Variants in RAB3GAP1 observed in about 807,000 individuals in gnomAD.
RAB3GAP1 encodes RAB3 GTPase activating protein catalytic subunit 1.
RAB3GAP1 carries 86 observed loss-of-function variants against 130.7 expected under a neutral mutation model. The observed-to-expected ratio is 0.66, with a 90% CI of 0.55 to 0.79. The LOEUF (loss-of-function observed/expected upper bound fraction) is 0.79, where lower values mean the gene tolerates loss of function less well. Ranked by LOEUF, RAB3GAP1 falls within the 30% of genes least tolerant of loss-of-function variation. The pLI, the probability that RAB3GAP1 is intolerant of heterozygous loss-of-function variation, is 0.00. For synonymous variants in RAB3GAP1, 367 were observed against 401.7 expected (o/e 0.91, Z 1.03); for missense variants, 1,029 against 1,169.4 (o/e 0.88, Z 1.75).
At chr2:135,157,841 A>G (rs1306730222) in intron 19 of RAB3GAP1, among the ~76,000 whole-genome samples, 1 of 151,784 alleles carries the variant, frequency 6.6e-6, no homozygotes, top group African/African-American at 2.4e-5. Context: ...CAAAAAAAAA[A>G]AAAAAAAACA....
In RAB3GAP1 at chr2:135,099,600, T is replaced by C. The variant is rs1421316390; in HGVS notation, c.362+5907T>C. On this transcript the variant is annotated intron_variant, in intron 5 of 23. Coordinates refer to ENST00000264158, the MANE Select transcript of RAB3GAP1 (RefSeq NM_012233.3). ...TGGTATCAGAGTAATGTTGGCCTTATAATGTGAGTCAGAAAGTATTTTGTT... is the reference window on the plus strand; with the variant it reads ...TGGTATCAGAGTAATGTTGGCCTTACAATGTGAGTCAGAAAGTATTTTGTT... Among the ~76,000 whole-genome samples, 3 of 152,166 alleles carry C rather than the reference T, an allele frequency of 2.0e-5. No individual in the cohort carries two copies. In the East Asian group the frequency reaches 5.8e-4, roughly 29 times the overall value.
intron 3 of RAB3GAP1, among the ~76,000 whole-genome samples, chr2:135,081,306 CAAAAAAA>C (rs1169138978): frequency 2.0e-3 from 27 of 13,210 alleles, no homozygotes; most frequent in African/African-American, 5.4e-3. Context: ...GACTCCGTCT[CAAAAAAA>C]AAAAAAAAAA....
intron 19 of RAB3GAP1, among the ~76,000 whole-genome samples, chr2:135,158,199 C>T: frequency 6.6e-6 from 1 of 152,134 alleles, no homozygotes; most frequent in East Asian, 1.9e-4. Context: ...AGTCTAGAAG[C>T]ACTGACACCC....
chr2:135,149,248 C>T (rs1692095167), intron 17 of RAB3GAP1, among the ~76,000 whole-genome samples: 1 of 152,198 alleles, frequency 6.6e-6, no homozygotes, highest in African/African-American at 2.4e-5. Context: ...TATACTCCTT[C>T]ATGAGAGATT....
intron 11 of RAB3GAP1, among the ~76,000 whole-genome samples, chr2:135,128,576 A>G (rs1691421437): frequency 6.6e-6 from 1 of 152,134 alleles, no homozygotes; most frequent in Non-Finnish European, 1.5e-5. Flanking sequence ...CTGTATGGTA[A>G]TTGCTGAGGA....
In RAB3GAP1 at chr2:135,060,471, A is replaced by G. The variant is rs574622156; in HGVS notation, c.150+2385A>G. Among the ~76,000 whole-genome samples, 7 of 151,982 alleles carry G rather than the reference A, an allele frequency of 4.6e-5. No individual in the cohort carries two copies. In the East Asian group the frequency reaches 1.4e-3, roughly 30 times the overall value. On this transcript the variant is annotated intron_variant, in intron 3 of 23. Transcript: ENST00000264158. ...GAGACGGGGTTTCACTGTGTTAGCC[A>G]GGATGGTCTCGATCTCCTGACCTTG...
chr2:135,143,730 T>A (rs900776703), intron 17 of RAB3GAP1, among the ~76,000 whole-genome samples: 35 of 152,102 alleles, frequency 2.3e-4, no homozygotes, highest in African/African-American at 8.4e-4. Flanking sequence ...GCTAATTTTT[T>A]GTATTTTTAG....
chr2:135,123,656 C>T lies in RAB3GAP1; in HGVS notation c.749-509C>T, dbSNP rs957123848. ...TTCTCTTCCAGTCTAGTATGCCATT[C>T]GTAATGGAAAGGAGGTTCTTTTCTG... On this transcript the variant is annotated intron_variant, in intron 8 of 23. Transcript: ENST00000264158. Among the ~76,000 whole-genome samples the T allele has an allele frequency of 3.3e-5, 5 of 152,006 alleles. No individual in the cohort carries two copies. In the South Asian group the frequency reaches 6.2e-4, roughly 19 times the overall value.
rs75467128 is a variant in RAB3GAP1 at position 135,052,621 on chromosome 2, C to T, written c.74+136C>T. The T allele has an allele frequency of 7.7e-4, 797 of 1,037,636 alleles. 6 individuals carry two copies. In the African/African-American group the frequency reaches 0.011, roughly 15 times the overall value. 64.3% of individuals were successfully genotyped at this position (1,037,636 alleles called of 1,614,324 possible). On this transcript the variant is annotated intron_variant, in intron 2 of 23. Transcript: ENST00000264158. ...TACCGTGGGTCCCGGGTCTCCTCCCCCAGTCTTCTTTGGTCAACCGCAAGC... is the reference window on the plus strand; with the variant it reads ...TACCGTGGGTCCCGGGTCTCCTCCCTCAGTCTTCTTTGGTCAACCGCAAGC...
Position 135,135,785 on chromosome 2 carries a change from T to C in RAB3GAP1, c.1776T>C (p.Thr592=). The C allele has an allele frequency of 1.2e-6, 2 of 1,614,078 alleles. No individual in the cohort carries two copies. Among genetic ancestry groups the C allele is most frequent in the Non-Finnish European group, 1.7e-6 (2 of 1,180,008 alleles). Residue 592 remains threonine, a synonymous_variant, in exon 17 of 24, where the codon ACT becomes ACC. Transcript: ENST00000264158. ...AATTTTTTGAATGCCTAAGTGATACTGAAGAACTTAAAGGAAATGGACAAG... is the reference window on the plus strand; with the variant it reads ...AATTTTTTGAATGCCTAAGTGATACCGAAGAACTTAAAGGAAATGGACAAG... ...EEEFFECLSD[T]EELKGNGQES...
intron 3 of RAB3GAP1, among the ~76,000 whole-genome samples, chr2:135,072,857 G>A (rs1689517652): frequency 6.6e-6 from 1 of 152,184 alleles, no homozygotes; most frequent in African/African-American, 2.4e-5. Flanking sequence ...TGCTGTGTGA[G>A]CCTGTGAAGG....
At chr2:135,061,734 G>T (rs1363068594) in intron 3 of RAB3GAP1, among the ~76,000 whole-genome samples, 3 of 151,904 alleles carry the variant, frequency 2.0e-5, no homozygotes, top group African/African-American at 7.2e-5. Context: ...TTGCTAGGTT[G>T]TGAAGATGTT....
chr2:135,175,261 C>T (rs1214913681), downstream of RAB3GAP1: 1 of 152,268 alleles, frequency 6.6e-6, no homozygotes. Flanking sequence ...GTCCAAAACG[C>T]TCAGGGGTTT....
intron 3 of RAB3GAP1, among the ~76,000 whole-genome samples, chr2:135,078,752 T>A (rs1689703253): frequency 6.9e-6 from 1 of 144,724 alleles, no homozygotes; most frequent in South Asian, 2.4e-4. Flanking sequence ...TTGCCCAGGT[T>A]GGAGTGCAAC....
chr2:135,175,032 A>G (rs115219976), downstream of RAB3GAP1, among the ~76,000 whole-genome samples: 458 of 151,866 alleles, frequency 3.0e-3, 2 homozygotes, highest in African/African-American at 0.01. Context: ...GATTTTCTTG[A>G]CTCCTGTTGT....
At chr2:135,156,559 CTATT>C (rs1232008940) in intron 19 of RAB3GAP1, among the ~76,000 whole-genome samples, 2 of 152,214 alleles carry the variant, frequency 1.3e-5, no homozygotes, top group Admixed American at 6.5e-5. Flanking sequence ...AATTGTATCT[CTATT>C]TATGCTGAAA....
intron 19 of RAB3GAP1, among the ~76,000 whole-genome samples, chr2:135,157,902 C>T (rs991572778): frequency 1.5e-4 from 23 of 150,556 alleles, no homozygotes; most frequent in Non-Finnish European, 2.8e-4. Context: ...TGTAATGATA[C>T]GGGTACAGCA....
chr2:135,156,710 G>A (rs1467806059), intron 19 of RAB3GAP1, among the ~76,000 whole-genome samples: 1 of 152,090 alleles, frequency 6.6e-6, no homozygotes, highest in African/African-American at 2.4e-5. Flanking sequence ...GGGTCACTAA[G>A]GTCAGGAACA....
At chr2:135,066,831 A>T (rs991057038) in intron 3 of RAB3GAP1, among the ~76,000 whole-genome samples, 21 of 152,246 alleles carry the variant, frequency 1.4e-4, no homozygotes, top group African/African-American at 4.8e-4. Context: ...TTTTAATGAA[A>T]TGTTAAGTTT....
Sources: allele counts gnomAD v4.1 joint callset (sites outside exome capture counted in the v4.1 genomes callset), GRCh38; gene constraint gnomAD v4.1.1; transcripts MANE v1.5; gene names NCBI Gene and HGNC (gene_info 2026-07-23, HGNC 2026-07-21).